Variants in PDE4D observed in about 807,000 individuals in gnomAD.
The protein encoded by PDE4D is phosphodiesterase 4D.
Under a neutral mutation model 87.4 loss-of-function variants are expected in PDE4D, and 24 were observed. The ratio of observed to expected loss-of-function variants is 0.27; its 90% CI spans 0.20 to 0.39. The LOEUF (loss-of-function observed/expected upper bound fraction) is 0.39. Among genes scored for constraint, PDE4D ranks in the 10% least tolerant of loss-of-function variants. The pLI is 1.00. For synonymous variants in PDE4D, 384 were observed against 383.2 expected, an observed-to-expected ratio of 1.00 and a Z score of -0.02; for missense variants, 714 against 1,041.0, an observed-to-expected ratio of 0.69 and a Z score of 4.32.
intron 1 of PDE4D, among the ~76,000 whole-genome samples, chr5:59,363,157 T>C (rs769624632): frequency 5.9e-5 from 9 of 152,218 alleles, no homozygotes; most frequent in Non-Finnish European, 1.2e-4. Context: ...TGAGTTATAA[T>C]GTCTTATCCA....
chr5:59,281,329 T>A (rs892205912), intron 1 of PDE4D, among the ~76,000 whole-genome samples: 3 of 152,138 alleles, frequency 2.0e-5, no homozygotes, highest in Non-Finnish European at 4.4e-5. Flanking sequence ...GAAATGTACC[T>A]TTCTGTTTTT....
At chr5:59,304,228 T>G (rs1204560622) in intron 1 of PDE4D, among the ~76,000 whole-genome samples, 1 of 152,156 alleles carries the variant, frequency 6.6e-6, no homozygotes, top group Non-Finnish European at 1.5e-5. Context: ...GAGCTACTGA[T>G]TTGTGTACAT....
At chr5:59,103,384 C>T (rs928151924) in intron 5 of PDE4D, among the ~76,000 whole-genome samples, 2 of 152,068 alleles carry the variant, frequency 1.3e-5, no homozygotes, top group African/African-American at 4.8e-5. Context: ...ACTGGCAATC[C>T]TCAGGCCAGA....
intron 1 of PDE4D, among the ~76,000 whole-genome samples, chr5:59,409,928 A>G (rs527569634): frequency 1.3e-5 from 2 of 151,854 alleles, no homozygotes; most frequent in Non-Finnish European, 2.9e-5. Context: ...TTTATTTTTA[A>G]TTTTAATTCT....
At chr5:59,166,396 C>T (rs1226903958) in intron 5 of PDE4D, 1 of 152,276 alleles carries the variant, frequency 6.6e-6, no homozygotes, top group East Asian at 1.9e-4. Flanking sequence ...TTCCAGTACC[C>T]TCAACAGTTT....
At chr5:59,836,632 A>G (rs564001748) in intron 1 of PDE4D, among the ~76,000 whole-genome samples, 1 of 147,788 alleles carries the variant, frequency 6.8e-6, no homozygotes, top group South Asian at 2.1e-4. Context: ...CTATCTATCT[A>G]TCTATCTATC....
intron 2 of PDE4D, among the ~76,000 whole-genome samples, chr5:60,089,892 T>C (rs1470316189): frequency 2.0e-5 from 3 of 146,972 alleles, no homozygotes; most frequent in Non-Finnish European, 4.5e-5. Context: ...ATTATGAAAA[T>C]TGATACACCA....
At chr5:59,387,440 A>G (rs925290232) in intron 1 of PDE4D, among the ~76,000 whole-genome samples, 1 of 152,088 alleles carries the variant, frequency 6.6e-6, no homozygotes, top group African/African-American at 2.4e-5. Context: ...ATAATGGAGA[A>G]AAAAAGAGCT....
intron 2 of PDE4D, among the ~76,000 whole-genome samples, chr5:60,065,683 C>CA (rs766058283): frequency 7.9e-5 from 12 of 151,956 alleles, no homozygotes; most frequent in Admixed American, 3.9e-4. Context: ...TGAGAATATG[C>CA]GTGTTTGCTT....
chr5:59,461,615 T>G lies in PDE4D; in HGVS notation c.456-245647A>C, dbSNP rs183921118. 8.5e-5 allele frequency among the ~76,000 whole-genome samples: 13 copies of G among 152,338 alleles called. No individual in the cohort carries two copies. In the East Asian group the frequency reaches 2.5e-3, roughly 29 times the overall value. On this transcript the variant is annotated intron_variant, in intron 1 of 14. Coordinates refer to ENST00000340635, the MANE Select transcript of PDE4D (RefSeq NM_001104631.2). ...AGCCTAGACAGCTTACAGCCTGAAC[T>G]TCATAATTTTTCCCCAGGAGTTGAC...
intron 1 of PDE4D, among the ~76,000 whole-genome samples, chr5:59,818,571 A>C (rs1474919235): frequency 6.6e-6 from 1 of 152,216 alleles, no homozygotes; most frequent in Non-Finnish European, 1.5e-5. Flanking sequence ...TACCTCTGGG[A>C]AAATAACTTT....
At chr5:60,283,510 T>A (rs1323875139) in intron 1 of PDE4D, among the ~76,000 whole-genome samples, 1 of 152,184 alleles carries the variant, frequency 6.6e-6, no homozygotes, top group African/African-American at 2.4e-5. Context: ...ACTGAAAAGT[T>A]TTTGGCATTA....
chr5:58,974,695 C>A lies in PDE4D; in HGVS notation c.2399G>T (p.Cys800Phe), dbSNP rs779815130. The change falls in exon 15 of 15, where the codon TGT becomes TTT. Residue 800 changes from cysteine (C) to phenylalanine (F), a missense_variant. Coordinates refer to ENST00000340635, the MANE Select transcript of PDE4D (RefSeq NM_001104631.2). ...GEEEESQPEACVIDDRSPDT is the reference protein window; with the variant it reads ...GEEEESQPEAFVIDDRSPDT ...GTCAGGAGAACGATCATCTATGACA[C>A]AGGCTTCAGGCTGGCTTTCCTCTTC... 4.4e-6 allele frequency: 7 copies of A among 1,604,340 alleles called. No individual in the cohort carries two copies. In the African/African-American group the frequency reaches 8.1e-5, roughly 18 times the overall value.
At chr5:59,250,528 G>A (rs1158002677) in intron 1 of PDE4D, among the ~76,000 whole-genome samples, 2 of 150,258 alleles carry the variant, frequency 1.3e-5, no homozygotes, top group East Asian at 3.9e-4. Flanking sequence ...AAGAAAAAAA[G>A]AATATGTAAG....
At chr5:60,259,448 CAAAG>C (rs1357228982) in intron 1 of PDE4D, among the ~76,000 whole-genome samples, 5 of 151,916 alleles carry the variant, frequency 3.3e-5, no homozygotes, top group African/African-American at 1.2e-4. Context: ...TTATCGAGAC[CAAAG>C]AAAGAAGCCA....
intron 2 of PDE4D, among the ~76,000 whole-genome samples, chr5:60,178,946 G>A (rs1181337274): frequency 1.3e-5 from 2 of 152,004 alleles, no homozygotes; most frequent in Non-Finnish European, 2.9e-5. Context: ...TCAAATAGTT[G>A]GTGAGGGCTT....
intron 1 of PDE4D, among the ~76,000 whole-genome samples, chr5:59,608,617 C>T (rs1287602573): frequency 6.6e-6 from 1 of 152,080 alleles, no homozygotes; most frequent in African/African-American, 2.4e-5. Context: ...CCTGGGTATG[C>T]TACTTGGAAG....
At chr5:59,821,373 C>T (rs940030675) in intron 1 of PDE4D, among the ~76,000 whole-genome samples, 19 of 152,196 alleles carry the variant, frequency 1.2e-4, no homozygotes, top group African/African-American at 3.9e-4. Flanking sequence ...AAAAAGGTAA[C>T]TCCATTTTGA....
At chr5:59,950,894 T>C (rs1758223521) in intron 3 of PDE4D, among the ~76,000 whole-genome samples, 1 of 152,126 alleles carries the variant, frequency 6.6e-6, no homozygotes, top group Admixed American at 6.5e-5. Flanking sequence ...CAACTCTGAA[T>C]AGAGCAATAT....
Sources: allele counts gnomAD v4.1 joint callset (sites outside exome capture counted in the v4.1 genomes callset), GRCh38; gene constraint gnomAD v4.1.1; transcripts MANE v1.5; gene names NCBI Gene and HGNC (gene_info 2026-07-23, HGNC 2026-07-21).